The following CSMD1 variants were observed in gnomAD, a reference collection of about 807,000 sequenced individuals.
CSMD1 encodes the protein CUB and sushi domain-containing protein 1.
A neutral mutation model predicts 417.5 loss-of-function variants in CSMD1; 213 were observed. The observed-to-expected ratio is 0.51, with a 90% CI of 0.46 to 0.57. The LOEUF is 0.57. Ranked by LOEUF, CSMD1 falls within the 20% of genes least tolerant of loss-of-function variation. The probability of loss-of-function intolerance (pLI) is 0.00; values close to 1 mark genes in which losing one functional copy is unlikely to be tolerated. For synonymous variants in CSMD1, 2,862 were observed against 1,736.8 expected (o/e 1.65, Z -16.11); for missense variants, 6,923 against 4,529.7 (o/e 1.53, Z -15.17).
intron 1 of CSMD1, among the ~76,000 whole-genome samples, chr8:4,658,815 C>T (rs1804398607): frequency 6.6e-6 from 1 of 152,028 alleles, no homozygotes; most frequent in African/African-American, 2.4e-5. Context: ...AATGGTAACA[C>T]AATTTATGAG....
chr8:4,789,550 C>G (rs1017387678), intron 1 of CSMD1, among the ~76,000 whole-genome samples: 1 of 152,258 alleles, frequency 6.6e-6, no homozygotes. Flanking sequence ...GGATCTACCA[C>G]CAAAGCTTTT....
chr8:4,248,886 GA>G lies in CSMD1; in HGVS notation c.415+171066del, dbSNP rs146254502. Among the ~76,000 whole-genome samples, 8 of 150,910 alleles carry G rather than the reference GA, an allele frequency of 5.3e-5. No homozygotes were observed. In the East Asian group the frequency reaches 7.8e-4, roughly 15 times the overall value. The stretch of plus-strand genomic sequence containing the variant: ...AAAGTCACTCAACAGTTTTCTGTTG[GA>G]AAAAAAAATCCATTTAGACCATATT... On this transcript the variant is annotated intron_variant, in intron 3 of 69. Coordinates refer to ENST00000635120, the MANE Select transcript of CSMD1 (RefSeq NM_033225.6).
At chr8:4,570,711 A>G (rs978456528) in intron 2 of CSMD1, among the ~76,000 whole-genome samples, 7 of 152,188 alleles carry the variant, frequency 4.6e-5, no homozygotes, top group African/African-American at 1.7e-4. Flanking sequence ...TAGTTTCAGA[A>G]GGAATGGTAC....
intron 5 of CSMD1, among the ~76,000 whole-genome samples, chr8:3,769,883 T>G (rs1298041849): frequency 6.6e-6 from 1 of 152,220 alleles, no homozygotes; most frequent in Non-Finnish European, 1.5e-5. Flanking sequence ...TCAGAAGGGA[T>G]GTAGCTCTTC....
At chr8:4,787,226 G>T (rs1300083022) in intron 1 of CSMD1, 5 of 493,950 alleles carry the variant, frequency 1.0e-5, no homozygotes, top group Non-Finnish European at 1.5e-5. Flanking sequence ...GCGCGCCTGG[G>T]GGCCGCGCCT....
intron 5 of CSMD1, among the ~76,000 whole-genome samples, chr8:3,892,563 T>TAA (rs1563184144): frequency 2.7e-5 from 4 of 150,746 alleles, no homozygotes; most frequent in African/African-American, 9.8e-5. Flanking sequence ...AATAATAAGA[T>TAA]TACTCTAAGT....
At chr8:2,983,710 G>C (rs555292989) in intron 54 of CSMD1, among the ~76,000 whole-genome samples, 18 of 152,262 alleles carry the variant, frequency 1.2e-4, no homozygotes, top group African/African-American at 4.3e-4. Flanking sequence ...AAGCACAATA[G>C]TTTTTAAAGA....
chr8:4,259,642 A>G (rs1803731594), intron 3 of CSMD1, among the ~76,000 whole-genome samples: 1 of 152,112 alleles, frequency 6.6e-6, no homozygotes, highest in Non-Finnish European at 1.5e-5. Context: ...CTTACCCAAA[A>G]CAATGCCATT....
chr8:3,034,820 A>G (rs1810568943), intron 50 of CSMD1, among the ~76,000 whole-genome samples: 1 of 152,222 alleles, frequency 6.6e-6, no homozygotes, highest in Non-Finnish European at 1.5e-5. Flanking sequence ...ATAAGATAAA[A>G]CTGAGAAATA....
intron 5 of CSMD1, among the ~76,000 whole-genome samples, chr8:3,951,340 C>A (rs1469601515): frequency 1.3e-5 from 2 of 152,158 alleles, no homozygotes; most frequent in Non-Finnish European, 2.9e-5. Context: ...GCCCAGTGTC[C>A]TGAACGGAGC....
chr8:3,774,130 G>A (rs1433242966), intron 5 of CSMD1, among the ~76,000 whole-genome samples: 1 of 152,152 alleles, frequency 6.6e-6, no homozygotes, highest in Non-Finnish European at 1.5e-5. Context: ...TTAGGTTTGA[G>A]CATAAATTTA....
chr8:4,296,627 G>A (rs937770359), intron 3 of CSMD1, among the ~76,000 whole-genome samples: 1 of 103,616 alleles, frequency 9.7e-6, no homozygotes, highest in Non-Finnish European at 2.1e-5. Flanking sequence ...TTGTTATTTA[G>A]TTAATATTCA....
rs150886937 is a variant in CSMD1 at position 3,898,003 on chromosome 8, G to T, written c.818+99900C>A. Among the ~76,000 whole-genome samples the T allele has an allele frequency of 1.5e-4, 23 of 152,252 alleles. No homozygotes were observed. In the East Asian group the frequency reaches 4.1e-3, roughly 27 times the overall value. On this transcript the variant is annotated intron_variant, in intron 5 of 69. Coordinates refer to ENST00000635120, the MANE Select transcript of CSMD1 (RefSeq NM_033225.6). ...ACGGAGAACTGGAGAGCTCCTAGGA[G>T]GTGCCCAGATCCCCAGTTTGACAAT...
At chr8:3,611,311 A>G (rs778161477) in intron 8 of CSMD1, among the ~76,000 whole-genome samples, 1 of 152,096 alleles carries the variant, frequency 6.6e-6, no homozygotes, top group Non-Finnish European at 1.5e-5. Flanking sequence ...AAATCATAAC[A>G]CTTGAATACG....
At chr8:4,412,768 T>A (rs1452602330) in intron 3 of CSMD1, among the ~76,000 whole-genome samples, 1 of 152,190 alleles carries the variant, frequency 6.6e-6, no homozygotes, top group East Asian at 1.9e-4. Context: ...CTTACATTGA[T>A]ACCTATACTG....
chr8:3,816,872 G>T (rs537999471), intron 5 of CSMD1, among the ~76,000 whole-genome samples: 1 of 152,016 alleles, frequency 6.6e-6, no homozygotes, highest in East Asian at 1.9e-4. Context: ...GGGTAAGGGG[G>T]CACTATATAT....
At chr8:3,510,086 G>A (rs1043341714) in intron 10 of CSMD1, among the ~76,000 whole-genome samples, 7 of 152,296 alleles carry the variant, frequency 4.6e-5, no homozygotes, top group African/African-American at 1.7e-4. Flanking sequence ...AATTCATTAG[G>A]AGAAAGTAAA....
intron 25 of CSMD1, among the ~76,000 whole-genome samples, chr8:3,303,571 T>G (rs1804578359): frequency 6.6e-6 from 1 of 152,178 alleles, no homozygotes; most frequent in African/African-American, 2.4e-5. Context: ...CTGCTAACAA[T>G]TAGGAACAGA....
intron 2 of CSMD1, among the ~76,000 whole-genome samples, chr8:4,624,148 A>G (rs185707775): frequency 6.6e-6 from 1 of 152,280 alleles, no homozygotes. Context: ...AAACCAAAAT[A>G]GCAGGTTTGC....
Sources: allele counts gnomAD v4.1 joint callset (sites outside exome capture counted in the v4.1 genomes callset), GRCh38; gene constraint gnomAD v4.1.1; transcripts MANE v1.5; gene names NCBI Gene and HGNC (gene_info 2026-07-23, HGNC 2026-07-21).